The following NTRK2 variants were observed in gnomAD, a reference collection of about 807,000 sequenced individuals.
The protein encoded by NTRK2 is neurotrophic receptor tyrosine kinase 2.
A neutral mutation model predicts 94.5 loss-of-function variants in NTRK2; 13 were observed. The observed-to-expected ratio is 0.14, with a 90% CI of 0.09 to 0.22. The LOEUF is 0.22. Ranked by LOEUF, NTRK2 falls within the 10% of genes least tolerant of loss-of-function variation. The probability of loss-of-function intolerance (pLI) is 1.00; values close to 1 mark genes in which losing one functional copy is unlikely to be tolerated. For missense variants in NTRK2, 639 were observed against 1,071.2 expected, an observed-to-expected ratio of 0.60 and a Z score of 5.63; for synonymous variants, 372 against 407.4, an observed-to-expected ratio of 0.91 and a Z score of 1.05.
chr9:84,683,908 T>C (rs1220977625), intron 2 of NTRK2, among the ~76,000 whole-genome samples: 4 of 152,226 alleles, frequency 2.6e-5, no homozygotes, highest in Non-Finnish European at 4.4e-5. Flanking sequence ...TATCTCATTG[T>C]GGTTTTGATT....
At chr9:84,860,649 C>T (rs1458212251) in intron 12 of NTRK2, among the ~76,000 whole-genome samples, 1 of 152,154 alleles carries the variant, frequency 6.6e-6, no homozygotes, top group Non-Finnish European at 1.5e-5. Flanking sequence ...TGCAGCTTCC[C>T]TGTCAGATGA....
At chr9:84,693,055 T>C (rs537875449) in intron 2 of NTRK2, among the ~76,000 whole-genome samples, 17 of 152,358 alleles carry the variant, frequency 1.1e-4, no homozygotes, top group Middle Eastern at 6.8e-3. Flanking sequence ...TTCAGTTTCA[T>C]GGACCTTCTG....
rs533005119 is a variant in NTRK2, at chr9:84,774,465, A to G, written c.1396+22380A>G. The stretch of plus-strand genomic sequence containing the variant: ...GATGTCATTGACCCTTTCTGCACAT[A>G]AAGAACTGGAGGCTCAGAGAGGTTA... On this transcript the variant is annotated intron_variant, in intron 12 of 18. Transcript: ENST00000277120. 2.0e-5 allele frequency among the ~76,000 whole-genome samples: 3 copies of G among 152,326 alleles called. No individual in the cohort carries two copies. In the South Asian group the frequency reaches 6.2e-4, roughly 32 times the overall value.
chr9:84,922,505 A>G (rs758079617), intron 14 of NTRK2, among the ~76,000 whole-genome samples: 2 of 152,252 alleles, frequency 1.3e-5, no homozygotes, highest in South Asian at 2.1e-4. Context: ...GAGCAAAAGA[A>G]TCATTTTCTA....
chr9:85,006,464 C>T (rs1261195299), intron 17 of NTRK2, among the ~76,000 whole-genome samples: 1 of 150,394 alleles, frequency 6.6e-6, no homozygotes, highest in African/African-American at 2.5e-5. Flanking sequence ...CCGCTCCTGC[C>T]TCCAAGCCAG....
chr9:84,850,664 A>T (rs1312219202), intron 12 of NTRK2, among the ~76,000 whole-genome samples: 3 of 152,218 alleles, frequency 2.0e-5, no homozygotes, highest in Non-Finnish European at 4.4e-5. Flanking sequence ...AGACTAAGTA[A>T]TTATGGAGGT....
At chr9:84,918,622 C>T (rs891894422) in intron 14 of NTRK2, among the ~76,000 whole-genome samples, 1 of 152,182 alleles carries the variant, frequency 6.6e-6, no homozygotes, top group South Asian at 2.1e-4. Flanking sequence ...TTAACAAACT[C>T]TTTGCTTTGG....
intron 12 of NTRK2, among the ~76,000 whole-genome samples, chr9:84,824,101 C>T (rs2073031362): frequency 6.6e-6 from 1 of 152,164 alleles, no homozygotes; most frequent in African/African-American, 2.4e-5. Flanking sequence ...AGAGTTGTCC[C>T]ACCCTGAGCT....
intron 14 of NTRK2, among the ~76,000 whole-genome samples, chr9:84,922,809 A>T (rs768730055): frequency 2.6e-5 from 4 of 152,152 alleles, no homozygotes; most frequent in Non-Finnish European, 4.4e-5. Context: ...TTTTTCCTTT[A>T]GATGATTAAA....
At chr9:84,948,323 G>C in intron 15 of NTRK2, 139 bp from the exon 16 acceptor site, 1 of 872,826 alleles carries the variant, frequency 1.1e-6, no homozygotes, top group Non-Finnish European at 1.9e-6. Context: ...TTATTCCTCA[G>C]TTATTAGCAC....
Position 84,707,876 on chromosome 9 carries a change from C to T in NTRK2, c.392C>T (p.Ser131Phe). ...ACCCGAAACAAACTGACGAGTTTGT[C>T]TAGGAAACATTTCCGTCACCTTGAC... ...NFTRNKLTSL[S>F]RKHFRHLDLS... Residue 131 changes from serine to phenylalanine, a missense_variant, in exon 5 of 19, where the codon TCT (serine) becomes TTT (phenylalanine). Physicochemically the swap from Ser to Phe is radical, Grantham distance 155. This residue lies in a region of NTRK2 where 206 missense variants were observed against 251.5 expected (regional missense o/e 0.82). Coordinates refer to ENST00000277120, the MANE Select transcript of NTRK2 (RefSeq NM_006180.6). 5.0e-6 allele frequency: 8 copies of T among 1,612,864 alleles called. No individual in the cohort carries two copies. Among genetic ancestry groups the T allele is most frequent in the Non-Finnish European group, 6.8e-6 (8 of 1,179,276 alleles).
At chr9:85,017,924 T>C (rs1832408197) in intron 17 of NTRK2, among the ~76,000 whole-genome samples, 3 of 152,194 alleles carry the variant, frequency 2.0e-5, no homozygotes, top group Admixed American at 2.0e-4. Flanking sequence ...CTCTTCTTTA[T>C]AGGGTAGGAA....
intron 17 of NTRK2, among the ~76,000 whole-genome samples, chr9:84,988,744 T>C (rs1007235269): frequency 1.3e-5 from 2 of 152,238 alleles, no homozygotes; most frequent in African/African-American, 4.8e-5. Flanking sequence ...GCCACTTGCC[T>C]GTGCTACAGG....
At chr9:84,917,792 T>C (rs1184294045) in intron 14 of NTRK2, among the ~76,000 whole-genome samples, 1 of 152,214 alleles carries the variant, frequency 6.6e-6, no homozygotes, top group Non-Finnish European at 1.5e-5. Context: ...TTCACTCCTC[T>C]GCTCAATGAG....
intron 17 of NTRK2, among the ~76,000 whole-genome samples, chr9:84,956,301 C>T (rs1488863109): frequency 6.6e-6 from 1 of 152,176 alleles, no homozygotes; most frequent in Non-Finnish European, 1.5e-5. Flanking sequence ...GGTGTTTCCA[C>T]CACTGAAATC....
intron 12 of NTRK2, among the ~76,000 whole-genome samples, chr9:84,801,528 A>G (rs778927321): frequency 7.9e-5 from 12 of 152,296 alleles, no homozygotes; most frequent in African/African-American, 1.2e-4. Flanking sequence ...CAGGGGCAGC[A>G]AGCCACATCT....
intron 2 of NTRK2, among the ~76,000 whole-genome samples, chr9:84,685,748 C>G (rs1024515909): frequency 6.6e-6 from 1 of 152,104 alleles, no homozygotes; most frequent in African/African-American, 2.4e-5. Context: ...ATCTTTTAGG[C>G]CTTGGCTGTG....
At chr9:85,005,092 A>C (rs1161867936) in intron 17 of NTRK2, among the ~76,000 whole-genome samples, 1 of 152,214 alleles carries the variant, frequency 6.6e-6, no homozygotes, top group Non-Finnish European at 1.5e-5. Flanking sequence ...CCACACAGTC[A>C]GACCTGCTTT....
intron 12 of NTRK2, among the ~76,000 whole-genome samples, chr9:84,763,267 C>T (rs536802775): frequency 6.6e-6 from 1 of 152,112 alleles, no homozygotes; most frequent in African/African-American, 2.4e-5. Context: ...AAGTCTGAGT[C>T]AGGGCTCTGT....
Sources: gnomAD v4.1 joint callset for allele counts (sites outside exome capture counted in the v4.1 genomes callset) on GRCh38, gnomAD v4.1.1 for gene constraint, gnomAD v4.1.1 regional missense constraint, MANE v1.5 for transcripts, NCBI Gene and HGNC (gene_info 2026-07-23, HGNC 2026-07-21) for gene names.